ADAMTSL1: variants seen among roughly 807,000 people sequenced by gnomAD.
ADAMTSL1 encodes ADAMTS like 1, also known as ADAMTS-like protein 1.
ADAMTSL1 carries 126 observed loss-of-function variants against 201.8 expected under a neutral mutation model. The ratio of observed to expected loss-of-function variants is 0.62; its 90% CI spans 0.54 to 0.72. The LOEUF (loss-of-function observed/expected upper bound fraction) is 0.72. Ranked by LOEUF, ADAMTSL1 falls within the 30% of genes least tolerant of loss-of-function variation. ADAMTSL1 has a pLI of 0.00. For missense variants in ADAMTSL1, 2,679 were observed against 2,277.8 expected, an observed-to-expected ratio of 1.18 and a Z score of -3.59; for synonymous variants, 1,121 against 903.4, an observed-to-expected ratio of 1.24 and a Z score of -4.32.
At chr9:18,229,869 G>A (rs942762565) in intron 2 of ADAMTSL1, among the ~76,000 whole-genome samples, 2 of 151,874 alleles carry the variant, frequency 1.3e-5, no homozygotes, top group African/African-American at 4.8e-5. Flanking sequence ...CTAATTTTTT[G>A]TATTTTTAGT....
chr9:18,497,424 T>C (rs1168801024), intron 1 of ADAMTSL1, among the ~76,000 whole-genome samples: 2 of 152,168 alleles, frequency 1.3e-5, no homozygotes, highest in Non-Finnish European at 2.9e-5. Context: ...TTATAGTTAT[T>C]TTAAAGAAGA....
At chr9:18,756,050 C>G (rs1336321453) in intron 16 of ADAMTSL1, among the ~76,000 whole-genome samples, 3 of 129,930 alleles carry the variant, frequency 2.3e-5, no homozygotes, top group African/African-American at 8.6e-5. Context: ...GTTTGTCTAG[C>G]ATGGTGAAAC....
chr9:18,302,061 G>T (rs1283326015), intron 2 of ADAMTSL1, among the ~76,000 whole-genome samples: 5 of 152,232 alleles, frequency 3.3e-5, no homozygotes, highest in South Asian at 2.1e-4. Flanking sequence ...TCATCTTTAA[G>T]GTGTAGTTGA....
chr9:18,818,195 C>T (rs750623374), intron 21 of ADAMTSL1, among the ~76,000 whole-genome samples: 6 of 152,064 alleles, frequency 3.9e-5, no homozygotes, highest in Non-Finnish European at 5.9e-5. Flanking sequence ...GTTCTTGTGC[C>T]ATTGGGCAAC....
intron 2 of ADAMTSL1, among the ~76,000 whole-genome samples, chr9:18,253,732 T>C (rs1173899389): frequency 6.6e-6 from 1 of 152,134 alleles, no homozygotes; most frequent in African/African-American, 2.4e-5. Flanking sequence ...TTAATCCAAT[T>C]TGATGCTTTA....
intron 12 of ADAMTSL1, among the ~76,000 whole-genome samples, chr9:18,682,844 CA>C (rs534844510): frequency 8.7e-5 from 13 of 149,404 alleles, no homozygotes; most frequent in South Asian, 6.4e-4. Context: ...TAAAAGGAAA[CA>C]AAAAAAAACA....
intron 1 of ADAMTSL1, among the ~76,000 whole-genome samples, chr9:17,931,923 C>T (rs913400894): frequency 5.3e-5 from 8 of 152,100 alleles, no homozygotes; most frequent in African/African-American, 1.9e-4. Flanking sequence ...TAATCATCTT[C>T]CCCTGTGTAT....
At chr9:18,203,385 T>C (rs1829526621) in intron 2 of ADAMTSL1, among the ~76,000 whole-genome samples, 1 of 152,108 alleles carries the variant, frequency 6.6e-6, no homozygotes, top group South Asian at 2.1e-4. Flanking sequence ...GACAAAGTCA[T>C]ATTAAGTCCA....
intron 1 of ADAMTSL1, among the ~76,000 whole-genome samples, chr9:17,986,176 G>A (rs1818921229): frequency 1.3e-5 from 2 of 151,976 alleles, no homozygotes. Flanking sequence ...GTTTCCAAGG[G>A]GTATGCTTTA....
intron 2 of ADAMTSL1, among the ~76,000 whole-genome samples, chr9:18,296,695 A>G (rs1192793712): frequency 1.3e-5 from 2 of 152,214 alleles, no homozygotes; most frequent in Non-Finnish European, 2.9e-5. Context: ...TATGTATTTT[A>G]CTAGTTTAAA....
intron 2 of ADAMTSL1, among the ~76,000 whole-genome samples, chr9:18,230,837 T>C (rs1050088015): frequency 5.3e-5 from 8 of 152,210 alleles, no homozygotes; most frequent in African/African-American, 1.9e-4. Context: ...ATTACATCCA[T>C]TCTTCTGCAA....
chr9:18,261,182 A>T (rs1339167244), intron 2 of ADAMTSL1, among the ~76,000 whole-genome samples: 2 of 151,810 alleles, frequency 1.3e-5, no homozygotes, highest in African/African-American at 4.8e-5. Context: ...GGTGAAGCCC[A>T]TTTCTGTGGC....
intron 1 of ADAMTSL1, among the ~76,000 whole-genome samples, chr9:18,102,830 G>A (rs1824589256): frequency 6.6e-6 from 1 of 152,190 alleles, no homozygotes; most frequent in Admixed American, 6.5e-5. Context: ...GATACAGGGA[G>A]TTTTCAAAAG....
At chr9:18,042,450 G>C (rs531897934) in intron 1 of ADAMTSL1, among the ~76,000 whole-genome samples, 1 of 152,154 alleles carries the variant, frequency 6.6e-6, no homozygotes, top group East Asian at 1.9e-4. Context: ...AGTTAAAAAA[G>C]ATCTAGTTGT....
chr9:18,421,628 C>T (rs189019956), intron 2 of ADAMTSL1, among the ~76,000 whole-genome samples: 3 of 152,298 alleles, frequency 2.0e-5, no homozygotes, highest in Non-Finnish European at 2.9e-5. Context: ...GTCAAAGATA[C>T]CAGCAGTAGC....
chr9:18,873,846 T>C (rs1189261090), intron 23 of ADAMTSL1, among the ~76,000 whole-genome samples: 2 of 152,126 alleles, frequency 1.3e-5, no homozygotes, highest in Non-Finnish European at 2.9e-5. Flanking sequence ...GATGGTGGTA[T>C]CTTGATGGGA....
At chr9:18,057,118 T>C (rs1329918) in intron 1 of ADAMTSL1, among the ~76,000 whole-genome samples, 28,321 of 152,114 alleles carry the variant, frequency 0.19, 2,965 homozygotes, top group East Asian at 0.46. Flanking sequence ...GCAGAGACCT[T>C]CCCACTGACA....
intron 1 of ADAMTSL1, among the ~76,000 whole-genome samples, chr9:17,926,361 C>G (rs1023662260): frequency 6.6e-6 from 1 of 152,144 alleles, no homozygotes; most frequent in Non-Finnish European, 1.5e-5. Context: ...CCCCAAAACA[C>G]GATGGTTTAA....
At position 18,786,463 on chromosome 9, in the gene ADAMTSL1, TTTC is replaced by T. The variant is rs567631817; in HGVS notation, c.3677+8560_3677+8562del. Among the ~76,000 whole-genome samples, 290 of 152,320 alleles carry T rather than the reference TTTC, an allele frequency of 1.9e-3. 3 individuals are homozygous for T. Among genetic ancestry groups the T allele is most frequent in the African/African-American group, 6.4e-3 (267 of 41,562 alleles). ...TACTTTTATCTCTCTGAACCTTGGT[TTTC>T]TTATTAGTTAAACTAAAATGATACT... On this transcript the variant is annotated intron_variant, in intron 19 of 28. Coordinates refer to ENST00000380548, the MANE Select transcript of ADAMTSL1 (RefSeq NM_001040272.6).
Sources: gnomAD v4.1 joint callset for allele counts (sites outside exome capture counted in the v4.1 genomes callset) on GRCh38, gnomAD v4.1.1 for gene constraint, MANE v1.5 for transcripts, NCBI Gene and HGNC (gene_info 2026-07-23, HGNC 2026-07-21) for gene names.